The following KL variants were observed in gnomAD, a reference collection of about 807,000 sequenced individuals.
KL encodes klotho, also known as alpha-klotho.
Under a neutral mutation model 84.2 loss-of-function variants are expected in KL, and 62 were observed. The observed-to-expected ratio is 0.74, with a 90% CI of 0.60 to 0.91. The LOEUF is 0.91. Among genes scored for constraint, KL ranks in the 40% least tolerant of loss-of-function variants. KL has a pLI of 0.00. For missense variants in KL, 1,261 were observed against 1,305.7 expected (o/e 0.97, Z 0.53); for synonymous variants, 528 against 528.0 (o/e 1.00, Z 0.00).
At chr13:33,020,739 G>C (rs573035312) in intron 1 of KL, among the ~76,000 whole-genome samples, 3 of 152,222 alleles carry the variant, frequency 2.0e-5, no homozygotes, top group Admixed American at 2.0e-4. Context: ...CTATGACTAC[G>C]ATGGAGGTGC....
Position 33,060,994 on chromosome 13 carries a change from C to T in KL, c.1915C>T (p.Gln639Ter), listed in dbSNP as rs762513573. The T allele has an allele frequency of 1.9e-6, 3 of 1,612,716 alleles. No homozygotes were observed. The highest frequency in any genetic ancestry group is 2.5e-6 in the Non-Finnish European group (3 of 1,179,014). ...CATCACCCCAGTGGTGGCCCTGTGG[C>T]AGCCTATGGCCCCGAACCAAGGACT... ...VNITPVVALW[Q>*]PMAPNQGLPR... Residue 639 changes from glutamine to a stop codon, truncating the protein, a stop_gained, in exon 4 of 5, where the codon CAG (glutamine) becomes TAG (stop). Coordinates refer to ENST00000380099, the MANE Select transcript of KL (RefSeq NM_004795.4). LOFTEE classifies it high-confidence loss of function.
Position 33,016,701 on chromosome 13 carries a change from G to A in KL, c.261G>A (p.Ala87=), listed in dbSNP as rs1870348891. Residue 87 remains alanine, a synonymous_variant, in exon 1 of 5, where the codon GCG becomes GCA. Coordinates refer to ENST00000380099, the MANE Select transcript of KL (RefSeq NM_004795.4). ...EGGWQQHGKG[A]SIWDTFTHHP... Reference sequence around the variant, plus strand: ...GCTGGCAGCAGCACGGCAAGGGTGCGTCCATCTGGGATACGTTCACCCACC... The same window carrying A: ...GCTGGCAGCAGCACGGCAAGGGTGCATCCATCTGGGATACGTTCACCCACC... The A allele has an allele frequency of 1.2e-6, 2 of 1,608,784 alleles. No individual in the cohort carries two copies. The highest frequency in any genetic ancestry group is 1.7e-6 in the Non-Finnish European group (2 of 1,178,236).
intron 1 of KL, among the ~76,000 whole-genome samples, chr13:33,019,294 G>C (rs1200218179): frequency 6.6e-6 from 1 of 151,920 alleles, no homozygotes; most frequent in Non-Finnish European, 1.5e-5. Context: ...ACCTTTCTCG[G>C]TGTGTATATA....
At position 33,055,098 on chromosome 13, in the gene KL, T is replaced by C. The variant is rs764039600; in HGVS notation, c.1382T>C (p.Met461Thr). 1 of 1,614,200 alleles carries C rather than the reference T, an allele frequency of 6.2e-7. No homozygotes were observed. The highest frequency in any genetic ancestry group is 2.2e-5 in the East Asian group (1 of 44,886). ...DVIGYTAWSLMDGFEWHRGYS... is the reference protein window; with the variant it reads ...DVIGYTAWSLTDGFEWHRGYS... ...ATCGGGTATACCGCATGGTCCCTCATGGATGGTTTCGAGTGGCACAGAGGT... is the reference window on the plus strand; with the variant it reads ...ATCGGGTATACCGCATGGTCCCTCACGGATGGTTTCGAGTGGCACAGAGGT... The change falls in exon 3 of 5, where the codon ATG (methionine) becomes ACG (threonine). Residue 461 changes from methionine to threonine, a missense_variant. Met to Thr is a moderately conservative substitution (Grantham distance 81). Transcript: ENST00000380099.
At chr13:33,025,875 G>A (rs911590340) in intron 1 of KL, among the ~76,000 whole-genome samples, 5 of 152,170 alleles carry the variant, frequency 3.3e-5, no homozygotes, top group African/African-American at 7.2e-5. Context: ...CTCTTTGGTA[G>A]TTTATTTTCA....
chr13:33,048,875 T>C (rs1871636504), intron 1 of KL, among the ~76,000 whole-genome samples: 1 of 152,224 alleles, frequency 6.6e-6, no homozygotes, highest in Admixed American at 6.5e-5. Flanking sequence ...AGAAAATGTC[T>C]ATATGTTCTG....
Position 33,017,279 on chromosome 13 carries a change from C to G in KL, c.819+20C>G, listed in dbSNP as rs780478492. 4 of 1,539,214 alleles carry G rather than the reference C, an allele frequency of 2.6e-6. No homozygotes were observed. In the East Asian group the frequency reaches 9.5e-5, roughly 37 times the overall value. ...CTCCTGGTGAGTGCGAGGGGCCAGG[C>G]GGAGGGCCACGCAGGGGAGACAGAG... On this transcript the variant is annotated intron_variant, in intron 1 of 4. Coordinates refer to ENST00000380099, the MANE Select transcript of KL (RefSeq NM_004795.4).
At chr13:33,038,905 T>TA in intron 1 of KL, among the ~76,000 whole-genome samples, 1 of 152,224 alleles carries the variant, frequency 6.6e-6, no homozygotes, top group Non-Finnish European at 1.5e-5. Flanking sequence ...ATTCCAGTTT[T>TA]AAAAAATTTG....
intron 1 of KL, among the ~76,000 whole-genome samples, chr13:33,036,815 A>T (rs1411902457): frequency 2.0e-5 from 3 of 152,182 alleles, no homozygotes; most frequent in Admixed American, 6.5e-5. Context: ...TAAAAGAGTA[A>T]ATTTTAAGTT....
chr13:33,024,677 G>A (rs1428837992), intron 1 of KL, among the ~76,000 whole-genome samples: 2 of 152,168 alleles, frequency 1.3e-5, no homozygotes, highest in African/African-American at 2.4e-5. Context: ...GCTCTTCCCC[G>A]CCTGTCCTCT....
chr13:33,054,978 T>G (rs1871899181), intron 2 of KL, 69 bp from the exon 3 acceptor site: 1 of 1,595,510 alleles, frequency 6.3e-7, no homozygotes, highest in African/African-American at 1.3e-5. Flanking sequence ...AACGCTCAGC[T>G]GCTCTTGAAC....
At chr13:33,027,210 T>G (rs767383767) in intron 1 of KL, among the ~76,000 whole-genome samples, 39 of 152,182 alleles carry the variant, frequency 2.6e-4, no homozygotes, top group Admixed American at 1.3e-4. Flanking sequence ...TTCTTCTCTA[T>G]CAGGCCCAGC....
In KL at chr13:33,061,261, A is replaced by G. The variant is rs769135078; in HGVS notation, c.2182A>G (p.Ile728Val). 7 of 1,614,118 alleles carry G rather than the reference A, an allele frequency of 4.3e-6. No individual in the cohort carries two copies. In the Admixed American group the frequency reaches 1.2e-4, roughly 27 times the overall value. The change falls in exon 4 of 5, where the codon ATA becomes GTA. Residue 728 changes from isoleucine to valine, a missense_variant. By Grantham distance (29) the Ile-to-Val change is conservative. Transcript: ENST00000380099. The part of the protein sequence containing the change: ...FRHAQNGKIS[I>V]ALQADWIEPA... ...GCATGCTCAGAATGGGAAAATATCC[A>G]TAGCCTTGCAGGCTGATTGGATAGA... is the stretch of plus-strand genomic sequence containing the variant.
intron 1 of KL, among the ~76,000 whole-genome samples, chr13:33,040,307 C>T (rs1040098911): frequency 1.3e-5 from 2 of 152,124 alleles, no homozygotes; most frequent in African/African-American, 2.4e-5. Flanking sequence ...ATGTAAACAC[C>T]ACACAGTAGC....
At chr13:33,019,732 T>TGAGAGAGA (rs59216104) in intron 1 of KL, among the ~76,000 whole-genome samples, 4,715 of 133,280 alleles carry the variant, frequency 0.035, 92 homozygotes, top group Middle Eastern at 0.071. Context: ...TGTGTGTGTG[T>TGAGAGAGA]GAGAGAGAGA....
chr13:33,016,482 G>T lies in KL; in HGVS notation c.42G>T (p.Pro14=). ...SAPPRRPRPP[P]PSLSLLLVLL... ...CGCCGCGCCGCCCGCGGCCGCCGCC[G>T]CCGTCGCTGTCGCTGCTGCTGGTGC... is the stretch of plus-strand genomic sequence containing the variant. The change falls in exon 1 of 5, where the codon CCG becomes CCT. Residue 14 remains proline (P), a synonymous_variant. Coordinates refer to ENST00000380099, the MANE Select transcript of KL (RefSeq NM_004795.4). The T allele has an allele frequency of 8.7e-7, 1 of 1,145,582 alleles. No homozygotes were observed. The highest frequency in any genetic ancestry group is 1.1e-6 in the Non-Finnish European group (1 of 933,726). The allele number at this position is 1,145,582 out of a possible 1,614,324, so 71.0% of individuals were successfully genotyped here. A position where few individuals can be genotyped will look rare whatever the true frequency, so the allele number is the denominator to read the frequency against.
rs764495584 is a variant in KL at position 33,016,728 on chromosome 13, C to G, written c.288C>G (p.His96Gln). The G allele has an allele frequency of 1.9e-6, 3 of 1,610,002 alleles. No homozygotes were observed. Among genetic ancestry groups the G allele is most frequent in the Non-Finnish European group, 1.7e-6 (2 of 1,178,202 alleles). The change falls in exon 1 of 5, where the codon CAC becomes CAG. Residue 96 changes from histidine to glutamine, a missense_variant. Physicochemically the swap from His to Gln is conservative, Grantham distance 24. Transcript: ENST00000380099. ...CCATCTGGGATACGTTCACCCACCACCCCCTGGCACCCCCGGGAGACTCCC... is the reference window on the plus strand; with the variant it reads ...CCATCTGGGATACGTTCACCCACCAGCCCCTGGCACCCCCGGGAGACTCCC... ...GASIWDTFTH[H>Q]PLAPPGDSRN...
chr13:33,060,963 T>C lies in KL; in HGVS notation c.1884T>C (p.Arg628=). 1 of 1,611,632 alleles carries C rather than the reference T, an allele frequency of 6.2e-7. No homozygotes were observed. Among genetic ancestry groups the C allele is most frequent in the Non-Finnish European group, 8.5e-7 (1 of 1,178,004 alleles). The change falls in exon 4 of 5, where the codon CGT becomes CGC. Residue 628 remains arginine (R), a synonymous_variant. Coordinates refer to ENST00000380099, the MANE Select transcript of KL (RefSeq NM_004795.4). ...YYRCMASELV[R]VNITPVVALW... is the part of the protein sequence containing the mutation. ...GCTGCATGGCCAGCGAGCTTGTCCGTGTCAACATCACCCCAGTGGTGGCCC... is the reference window on the plus strand; with the variant it reads ...GCTGCATGGCCAGCGAGCTTGTCCGCGTCAACATCACCCCAGTGGTGGCCC...
chr13:33,065,366 T>C lies in KL; in HGVS notation c.*1180T>C. On this transcript the variant is annotated 3_prime_UTR_variant, in exon 5 of 5. Transcript: ENST00000380099. ...TTCACGCTGAAACATGCTAGTGATA[T>C]CTAGAAAGGGCTAATTAGGTCTCAT... 4.9e-6 allele frequency: 1 copy of C among 204,260 alleles called. No homozygotes were observed. The allele number at this position is 204,260 out of a possible 1,614,324, so 12.7% of individuals were successfully genotyped here.
Sources: allele counts gnomAD v4.1 joint callset (sites outside exome capture counted in the v4.1 genomes callset), GRCh38; gene constraint gnomAD v4.1.1; transcripts MANE v1.5; gene names NCBI Gene and HGNC (gene_info 2026-07-23, HGNC 2026-07-21).